Variants in MED13L observed in about 807,000 individuals in gnomAD.
MED13L encodes mediator complex subunit 13L.
Under a neutral mutation model 220.9 loss-of-function variants are expected in MED13L, and 7 were observed. The observed-to-expected ratio is 0.03, with a 90% CI of 0.02 to 0.06. MED13L has a LOEUF of 0.06. Ranked by LOEUF, MED13L falls within the 10% of genes least tolerant of loss-of-function variation. MED13L has a pLI of 1.00. For missense variants in MED13L, 1,965 were observed against 2,760.5 expected, an observed-to-expected ratio of 0.71 and a Z score of 6.46; for synonymous variants, 1,011 against 1,015.2, an observed-to-expected ratio of 1.00 and a Z score of 0.08.
At chr12:115,977,075 C>G (rs1297432489) in intron 23 of MED13L, among the ~76,000 whole-genome samples, 1 of 152,138 alleles carries the variant, frequency 6.6e-6, no homozygotes, top group East Asian at 1.9e-4. Flanking sequence ...ACTGCCTGAG[C>G]CTGGAAGGTC....
intron 2 of MED13L, among the ~76,000 whole-genome samples, chr12:116,144,103 A>C (rs548769959): frequency 2.0e-5 from 3 of 152,198 alleles, no homozygotes; most frequent in Non-Finnish European, 4.4e-5. Context: ...AAGGATTCTG[A>C]CTGAGCTGAG....
At chr12:116,228,507 C>T (rs1380935385) in intron 2 of MED13L, among the ~76,000 whole-genome samples, 1 of 152,114 alleles carries the variant, frequency 6.6e-6, no homozygotes, top group Non-Finnish European at 1.5e-5. Context: ...TCTGCAGAGA[C>T]AGGGTCCCAC....
At chr12:116,219,858 C>A (rs1461359755) in intron 2 of MED13L, among the ~76,000 whole-genome samples, 1 of 152,112 alleles carries the variant, frequency 6.6e-6, no homozygotes, top group Non-Finnish European at 1.5e-5. Flanking sequence ...AGTGCAGTGG[C>A]ATCATCTCGG....
At chr12:116,038,613 G>A (rs1881328167) in intron 4 of MED13L, among the ~76,000 whole-genome samples, 1 of 151,960 alleles carries the variant, frequency 6.6e-6, no homozygotes, top group African/African-American at 2.4e-5. Flanking sequence ...CATCTGCCTA[G>A]ATTCTCAAGC....
At chr12:116,097,095 C>T (rs1236790269) in intron 3 of MED13L, among the ~76,000 whole-genome samples, 1 of 152,032 alleles carries the variant, frequency 6.6e-6, no homozygotes, top group Non-Finnish European at 1.5e-5. Flanking sequence ...GTTAGGAATA[C>T]AGCATTTCTT....
chr12:116,274,303 G>T (rs553579334), intron 1 of MED13L, among the ~76,000 whole-genome samples: 1 of 151,886 alleles, frequency 6.6e-6, no homozygotes, highest in South Asian at 2.1e-4. Context: ...AACACCTCAA[G>T]GTAATGGAAA....
chr12:115,961,529 T>C (rs1461276550), intron 30 of MED13L, 131 bp from the exon 31 acceptor site: 5 of 1,257,118 alleles, frequency 4.0e-6, no homozygotes, highest in Non-Finnish European at 4.5e-6. Context: ...CCAGGCTCTT[T>C]CCCTCATCCT....
intron 4 of MED13L, among the ~76,000 whole-genome samples, chr12:116,023,540 G>A (rs1032912072): frequency 1.3e-5 from 2 of 151,528 alleles, no homozygotes; most frequent in Non-Finnish European, 2.9e-5. Context: ...AGTACATTTG[G>A]AGTACTACTC....
intron 14 of MED13L, among the ~76,000 whole-genome samples, chr12:116,001,757 T>C (rs1282670348): frequency 6.6e-6 from 1 of 152,250 alleles, no homozygotes; most frequent in African/African-American, 2.4e-5. Context: ...TGATTCGTTT[T>C]TATAACGTGC....
At chr12:116,233,331 T>C (rs1413089115) in intron 2 of MED13L, among the ~76,000 whole-genome samples, 1 of 152,184 alleles carries the variant, frequency 6.6e-6, no homozygotes, top group East Asian at 1.9e-4. Context: ...TATTCCAATT[T>C]AGAATTTTAA....
chr12:116,081,761 T>C (rs1298954988), intron 4 of MED13L, among the ~76,000 whole-genome samples: 2 of 152,146 alleles, frequency 1.3e-5, no homozygotes. Flanking sequence ...CAGCTACTAA[T>C]GTGATTGAGG....
In MED13L at chr12:116,211,173, A is replaced by C. The variant is rs888813380; in HGVS notation, c.310+26295T>G. Among the ~76,000 whole-genome samples, 8 of 152,322 alleles carry C rather than the reference A, an allele frequency of 5.3e-5. No individual in the cohort carries two copies. The South Asian group carries it at 6.2e-4, about 12-fold the overall frequency. On this transcript the variant is annotated intron_variant, in intron 2 of 30. Transcript: ENST00000281928. ...AGTCCCTTTTCTTACGATGGTGCCC[A>C]AAGTGGCCTTTCGGACCTTTCCAAC...
At chr12:116,010,555 G>A (rs577014492) in intron 9 of MED13L, among the ~76,000 whole-genome samples, 72 of 152,246 alleles carry the variant, frequency 4.7e-4, no homozygotes, top group African/African-American at 1.6e-3. Flanking sequence ...ATGCACAGTA[G>A]GTAGGAGAGA....
At chr12:116,073,454 C>T (rs1244566221) in intron 4 of MED13L, among the ~76,000 whole-genome samples, 1 of 152,168 alleles carries the variant, frequency 6.6e-6, no homozygotes, top group Non-Finnish European at 1.5e-5. Context: ...ACTATTCTCT[C>T]ATTCAATCGT....
chr12:116,061,659 G>A (rs758915041), intron 4 of MED13L, among the ~76,000 whole-genome samples: 15 of 152,028 alleles, frequency 9.9e-5, no homozygotes, highest in Non-Finnish European at 1.2e-4. Context: ...TGTGAGTTTG[G>A]GAATAGATTT....
chr12:116,006,558 A>G, intron 11 of MED13L, 147 bp from the exon 12 acceptor site: 2 of 717,886 alleles, frequency 2.8e-6, no homozygotes, highest in South Asian at 1.5e-5. Flanking sequence ...CAAAGGAAGT[A>G]AAAGATAGGT....
At chr12:116,059,688 G>C (rs976334375) in intron 4 of MED13L, among the ~76,000 whole-genome samples, 5 of 151,984 alleles carry the variant, frequency 3.3e-5, no homozygotes, top group Admixed American at 3.3e-4. Flanking sequence ...GAAGTGTTGG[G>C]ATTACAGGTG....
At chr12:116,177,228 C>T (rs1046530454) in intron 2 of MED13L, among the ~76,000 whole-genome samples, 2 of 152,174 alleles carry the variant, frequency 1.3e-5, no homozygotes, top group Non-Finnish European at 2.9e-5. Flanking sequence ...CCTCCCCAGG[C>T]ACTACTCCAC....
chr12:116,199,868 CAGA>C (rs1293346776), intron 2 of MED13L, among the ~76,000 whole-genome samples: 2 of 152,006 alleles, frequency 1.3e-5, no homozygotes, highest in Non-Finnish European at 2.9e-5. Context: ...GAGCATCAGT[CAGA>C]AGGACAAATT....
Sources: allele counts gnomAD v4.1 joint callset (sites outside exome capture counted in the v4.1 genomes callset), GRCh38; gene constraint gnomAD v4.1.1; transcripts MANE v1.5; gene names NCBI Gene and HGNC (gene_info 2026-07-23, HGNC 2026-07-21).